TMEM135: variants seen among roughly 807,000 people sequenced by gnomAD.
TMEM135 encodes the protein transmembrane protein 135.
Under a neutral mutation model 60.3 loss-of-function variants are expected in TMEM135, and 30 were observed. That is an observed-to-expected ratio of 0.50 (90% CI 0.37 to 0.68). TMEM135 has a LOEUF of 0.68. TMEM135 is among the 30% of genes least tolerant of loss of function. The pLI is 0.00. For missense variants in TMEM135, 468 were observed against 548.8 expected (o/e 0.85, Z 1.47); for synonymous variants, 190 against 186.7 (o/e 1.02, Z -0.14).
chr11:87,123,271 C>CCTT (rs35903615), intron 4 of TMEM135, among the ~76,000 whole-genome samples: 72,076 of 151,616 alleles, frequency 0.48, 17,378 homozygotes, highest in East Asian at 0.67. Context: ...GAGCTATGCT[C>CCTT]CTGAAGTTTC....
intron 4 of TMEM135, among the ~76,000 whole-genome samples, chr11:87,139,551 C>G (rs763832086): frequency 6.6e-6 from 1 of 152,070 alleles, no homozygotes; most frequent in Non-Finnish European, 1.5e-5. Flanking sequence ...TTTCATTTAT[C>G]TTGGGTAGAT....
At chr11:87,263,885 G>C (rs1013956035) in intron 6 of TMEM135, among the ~76,000 whole-genome samples, 1 of 151,880 alleles carries the variant, frequency 6.6e-6, no homozygotes, top group African/African-American at 2.4e-5. Flanking sequence ...ATTTATGTGA[G>C]GGACATGGCA....
rs1365456170 is a variant in TMEM135 at position 87,324,137 on chromosome 11, G to C, written c.*2804G>C. ...TTCGTCTCCTTGTAGATTGTATCTAGGCTAACATTTCATTTAGTTGTTAAT... is the reference window on the plus strand; with the variant it reads ...TTCGTCTCCTTGTAGATTGTATCTACGCTAACATTTCATTTAGTTGTTAAT... On this transcript the variant is annotated 3_prime_UTR_variant, in exon 15 of 15. Coordinates refer to ENST00000305494, the MANE Select transcript of TMEM135 (RefSeq NM_022918.4). 2.2e-6 allele frequency: 1 copy of C among 454,016 alleles called. No individual in the cohort carries two copies. Among genetic ancestry groups the C allele is most frequent in the East Asian group, 6.9e-5 (1 of 14,396 alleles). The allele number at this position is 454,016 out of a possible 1,614,324, so 28.1% of individuals were successfully genotyped here.
At chr11:87,169,796 G>A (rs1010762275) in intron 5 of TMEM135, among the ~76,000 whole-genome samples, 2 of 151,970 alleles carry the variant, frequency 1.3e-5, no homozygotes, top group African/African-American at 4.8e-5. Flanking sequence ...TGCTCTTCTC[G>A]AGGAGTATCT....
At chr11:87,159,612 CACA>C in intron 5 of TMEM135, among the ~76,000 whole-genome samples, 1 of 144,592 alleles carries the variant, frequency 6.9e-6, no homozygotes, top group Non-Finnish European at 1.5e-5. Flanking sequence ...CACACACACA[CACA>C]CACCATAGAT....
chr11:87,252,798 A>ATGTG (rs558272693), intron 6 of TMEM135, among the ~76,000 whole-genome samples: 16,322 of 134,028 alleles, frequency 0.12, 1,134 homozygotes, highest in Non-Finnish European at 0.13. Flanking sequence ...TAAAATATAT[A>ATGTG]TGTGTGTGTG....
intron 1 of TMEM135, among the ~76,000 whole-genome samples, chr11:87,046,401 T>C (rs1056840019): frequency 5.3e-5 from 8 of 151,742 alleles, no homozygotes; most frequent in Non-Finnish European, 7.4e-5. Flanking sequence ...AACAAACAAA[T>C]AAACAAACAA....
chr11:87,320,676 G>A (rs768824833), intron 14 of TMEM135, among the ~76,000 whole-genome samples: 1 of 152,138 alleles, frequency 6.6e-6, no homozygotes, highest in Non-Finnish European at 1.5e-5. Flanking sequence ...ACTGTGTTGT[G>A]TCTATTAAAC....
chr11:87,084,980 A>G (rs1475822275), intron 3 of TMEM135, among the ~76,000 whole-genome samples: 1 of 151,572 alleles, frequency 6.6e-6, no homozygotes, highest in East Asian at 1.9e-4. Flanking sequence ...CTTGGTTTCC[A>G]AAGAGGATTT....
intron 3 of TMEM135, among the ~76,000 whole-genome samples, chr11:87,078,965 G>A (rs1490080214): frequency 6.6e-6 from 1 of 151,774 alleles, no homozygotes; most frequent in Non-Finnish European, 1.5e-5. Flanking sequence ...TTACCAAGAC[G>A]AATATTTAGC....
chr11:87,301,518 G>A (rs539155349), intron 7 of TMEM135, among the ~76,000 whole-genome samples: 2 of 152,240 alleles, frequency 1.3e-5, no homozygotes, highest in South Asian at 4.1e-4. Flanking sequence ...CTCCCATAGT[G>A]CCAGGGTTAC....
chr11:87,055,895 G>A (rs1949889986), intron 1 of TMEM135, among the ~76,000 whole-genome samples: 1 of 152,122 alleles, frequency 6.6e-6, no homozygotes, highest in Admixed American at 6.6e-5. Flanking sequence ...CTTGGATTTT[G>A]CGCAAGAAAG....
intron 1 of TMEM135, among the ~76,000 whole-genome samples, chr11:87,062,721 C>T (rs544688774): frequency 6.6e-6 from 1 of 152,062 alleles, no homozygotes; most frequent in African/African-American, 2.4e-5. Flanking sequence ...CCTCGGCCTC[C>T]CAAAGTGCTG....
chr11:87,307,012 C>T (rs1197170705), intron 9 of TMEM135, among the ~76,000 whole-genome samples: 1 of 152,116 alleles, frequency 6.6e-6, no homozygotes, highest in Non-Finnish European at 1.5e-5. Context: ...AACCACCGCG[C>T]CCGGCCAAGT....
chr11:87,222,587 T>A (rs759805042), intron 5 of TMEM135, among the ~76,000 whole-genome samples: 1 of 151,208 alleles, frequency 6.6e-6, no homozygotes, highest in Non-Finnish European at 1.5e-5. Flanking sequence ...GCGGATCACC[T>A]GAGGTCAGGA....
intron 5 of TMEM135, among the ~76,000 whole-genome samples, chr11:87,202,730 T>TAAAAAAAAA (rs201573717): frequency 7.4e-6 from 1 of 134,412 alleles, no homozygotes; most frequent in Non-Finnish European, 1.6e-5. Context: ...TAAAAGACTT[T>TAAAAAAAAA]AAAAAAAAAA....
At chr11:87,110,527 A>C (rs1263308459) in intron 4 of TMEM135, among the ~76,000 whole-genome samples, 2 of 152,116 alleles carry the variant, frequency 1.3e-5, no homozygotes, top group Non-Finnish European at 2.9e-5. Flanking sequence ...GCAAATCTAA[A>C]TTTTCTCATC....
At chr11:87,173,445 A>C (rs1939291044) in intron 5 of TMEM135, among the ~76,000 whole-genome samples, 1 of 152,192 alleles carries the variant, frequency 6.6e-6, no homozygotes, top group African/African-American at 2.4e-5. Context: ...TTCAGCTTTC[A>C]AAAAGTTTTA....
rs117479208 is a variant in TMEM135 at position 87,142,841 on chromosome 11, C to T, written c.397-14500C>T. The stretch of plus-strand genomic sequence containing the variant: ...TTTTTTCTCTTCCTTCTCCTTTCTT[C>T]TTCTTTTCTTCCTCTTTTTTTCTTC... On this transcript the variant is annotated intron_variant, in intron 4 of 14. Transcript: ENST00000305494. Among the ~76,000 whole-genome samples, 931 of 150,770 alleles carry T rather than the reference C, an allele frequency of 6.2e-3. 15 individuals carry two copies. Among genetic ancestry groups the T allele is most frequent in the Middle Eastern group, 0.01 (3 of 294 alleles).
Sources: allele counts gnomAD v4.1 joint callset (sites outside exome capture counted in the v4.1 genomes callset), GRCh38; gene constraint gnomAD v4.1.1; transcripts MANE v1.5; gene names NCBI Gene and HGNC (gene_info 2026-07-23, HGNC 2026-07-21).